HECTD4: variants seen among roughly 807,000 people sequenced by gnomAD.
The protein encoded by HECTD4 is probable E3 ubiquitin-protein ligase HECTD4.
A neutral mutation model predicts 471.5 loss-of-function variants in HECTD4; 114 were observed. The ratio of observed to expected loss-of-function variants is 0.24; its 90% CI spans 0.21 to 0.28. HECTD4 has a LOEUF of 0.28. Among genes scored for constraint, HECTD4 ranks in the 10% least tolerant of loss-of-function variants. The probability of loss-of-function intolerance (pLI) is 1.00; values close to 1 mark genes in which losing one functional copy is unlikely to be tolerated. For missense variants in HECTD4, 3,866 were observed against 5,651.5 expected, an observed-to-expected ratio of 0.68 and a Z score of 10.13; for synonymous variants, 2,012 against 2,256.0, an observed-to-expected ratio of 0.89 and a Z score of 3.07.
chr12:112,269,216 G>A (rs12301565), intron 13 of HECTD4, among the ~76,000 whole-genome samples: 1 of 152,118 alleles, frequency 6.6e-6, no homozygotes, highest in African/African-American at 2.4e-5. Context: ...GCATTGTTGA[G>A]CACTTACTTT....
chr12:112,345,618 GC>G (rs1255809450), intron 1 of HECTD4, among the ~76,000 whole-genome samples: 1 of 152,058 alleles, frequency 6.6e-6, no homozygotes, highest in Non-Finnish European at 1.5e-5. Flanking sequence ...AGTATGTATG[GC>G]TTTTGTAAGA....
At position 112,185,120 on chromosome 12, in the gene HECTD4, T is replaced by G; in HGVS notation, c.9846A>C (p.Ser3282=). 1.3e-6 allele frequency: 2 copies of G among 1,559,270 alleles called. No homozygotes were observed. Among genetic ancestry groups the G allele is most frequent in the Non-Finnish European group, 8.7e-7 (1 of 1,151,052 alleles). The change falls in exon 61 of 76, where the codon TCA becomes TCC. Residue 3282 remains serine (S), a synonymous_variant. Transcript: ENST00000682272. ...NMSVTASGVT[S]ATAPNLSDSS... ...AGTCACTGAGATTTGGGGCGGTCGC[T>G]GAGGTCACCCCACTGGCTGTGACAC...
In HECTD4 at chr12:112,176,584, C is replaced by A. The variant is rs767948074; in HGVS notation, c.11470+12G>T. 6 of 1,590,798 alleles carry A rather than the reference C, an allele frequency of 3.8e-6. No homozygotes were observed. Among genetic ancestry groups the A allele is most frequent in the Middle Eastern group, 1.7e-4 (1 of 6,010 alleles). The stretch of plus-strand genomic sequence containing the variant: ...GGTCCCAGCCCACTCCAGGCCCCGT[C>A]TGCTCATTCACCTTCTTGTTTTTTG... On this transcript the variant is annotated intron_variant, in intron 65 of 75. Coordinates refer to ENST00000682272, the MANE Select transcript of HECTD4 (RefSeq NM_001388303.1).
chr12:112,208,097 C>A lies in HECTD4; in HGVS notation c.8005-97G>T, dbSNP rs535766499. ...AGCCCTCACCCTGAGGTCTTCACCC[C>A]ACTTAAATGCCAGTAATAGAAAGAT... On this transcript the variant is annotated intron_variant, in intron 51 of 75. Coordinates refer to ENST00000682272, the MANE Select transcript of HECTD4 (RefSeq NM_001388303.1). The A allele has an allele frequency of 3.5e-3, 4,677 of 1,342,610 alleles. 10 individuals are homozygous for A. The highest frequency in any genetic ancestry group is 4.1e-3 in the Non-Finnish European group (4,020 of 989,988). The allele number at this position is 1,342,610 out of a possible 1,614,324, so 83.2% of individuals were successfully genotyped here.
At chr12:112,178,485 C>G (rs1433840789) in intron 64 of HECTD4, among the ~76,000 whole-genome samples, 1 of 152,162 alleles carries the variant, frequency 6.6e-6, no homozygotes, top group East Asian at 1.9e-4. Context: ...AAATGAAACT[C>G]TGATGTTCAC....
In HECTD4 at chr12:112,248,389, T is replaced by C; in HGVS notation, c.4074A>G (p.Glu1358=). The change falls in exon 26 of 76, where the codon GAA becomes GAG. Residue 1358 remains glutamate, a synonymous_variant. Coordinates refer to ENST00000682272, the MANE Select transcript of HECTD4 (RefSeq NM_001388303.1). The part of the protein sequence containing the change: ...NFQYQEEHAE[E]YDLLCKIMGE... ...CCATAATTTTACATAATAAATCATA[T>C]TCTTCAGCATGTTCTTCTTGATATT... The C allele has an allele frequency of 6.2e-7, 1 of 1,611,182 alleles. No homozygotes were observed. The highest frequency in any genetic ancestry group is 8.5e-7 in the Non-Finnish European group (1 of 1,178,088).
chr12:112,286,844 A>G (rs1394232643), intron 7 of HECTD4, among the ~76,000 whole-genome samples: 1 of 152,074 alleles, frequency 6.6e-6, no homozygotes, highest in Non-Finnish European at 1.5e-5. Flanking sequence ...ATCTGCCTCA[A>G]CTCAACCCTC....
chr12:112,284,172 T>TC (rs781650022), intron 7 of HECTD4, among the ~76,000 whole-genome samples: 4 of 152,174 alleles, frequency 2.6e-5, no homozygotes, highest in Non-Finnish European at 4.4e-5. Context: ...AGTCCTGTGC[T>TC]CCCCTCTGCC....
At chr12:112,195,106 T>C (rs1566068152) in intron 55 of HECTD4, 40 bp from the exon 56 acceptor site, 2 of 1,540,092 alleles carry the variant, frequency 1.3e-6, no homozygotes, top group East Asian at 2.4e-5. Flanking sequence ...AAAGCCCTGA[T>C]GCTCCGGCCC....
chr12:112,303,641 G>A (rs2035210092), intron 7 of HECTD4, among the ~76,000 whole-genome samples: 1 of 152,070 alleles, frequency 6.6e-6, no homozygotes, highest in Admixed American at 6.5e-5. Context: ...CTTGAGCTCA[G>A]GAGTTCGAAG....
intron 51 of HECTD4, 107 bp from the exon 52 acceptor site, chr12:112,208,107 C>T (rs1021485546): frequency 1.6e-6 from 2 of 1,287,998 alleles, no homozygotes; most frequent in East Asian, 5.0e-5. Flanking sequence ...CACTTAAATG[C>T]CAGTAATAGA....
chr12:112,210,345 G>T, intron 49 of HECTD4, 93 bp from the exon 50 acceptor site: 2 of 1,317,356 alleles, frequency 1.5e-6, no homozygotes, highest in Non-Finnish European at 2.2e-6. Flanking sequence ...ACGTCACCTT[G>T]GAAGAATAGC....
intron 1 of HECTD4, among the ~76,000 whole-genome samples, chr12:112,334,696 G>A (rs1483989783): frequency 5.4e-5 from 8 of 148,424 alleles, no homozygotes; most frequent in Admixed American, 2.7e-4. Flanking sequence ...TGTAATTCCA[G>A]CTACTCGAGA....
chr12:112,314,666 T>C (rs1449832401), intron 2 of HECTD4, 120 bp from the exon 3 acceptor site: 1 of 650,398 alleles, frequency 1.5e-6, no homozygotes, highest in Non-Finnish European at 2.7e-6. Context: ...CTGCTTCTGC[T>C]GGTCAGATGA....
intron 70 of HECTD4, 44 bp from the exon 71 acceptor site, chr12:112,167,961 G>A (rs372918221): frequency 2.8e-5 from 41 of 1,461,106 alleles, no homozygotes; most frequent in South Asian, 3.4e-5. Flanking sequence ...GTGTCCCGGC[G>A]GGAGGCGACA....
At chr12:112,273,903 T>A in intron 10 of HECTD4, 108 bp from the exon 11 acceptor site, 1 of 1,290,086 alleles carries the variant, frequency 7.8e-7, no homozygotes, top group Non-Finnish European at 1.1e-6. Flanking sequence ...TCTCTAATGT[T>A]GACAACCCAC....
chr12:112,239,332 G>T lies in HECTD4; in HGVS notation c.5106-96C>A. On this transcript the variant is annotated intron_variant, in intron 33 of 75. Coordinates refer to ENST00000682272, the MANE Select transcript of HECTD4 (RefSeq NM_001388303.1). This position sits in a 1 kb window ranked among gnomAD's most constrained non-coding sequence, Gnocchi z 4.9. ...TCAAAGGGGCATAAAACATGCTGGTGCAGCTCTTTCCCTACAACTTAGGAT... is the reference window on the plus strand; with the variant it reads ...TCAAAGGGGCATAAAACATGCTGGTTCAGCTCTTTCCCTACAACTTAGGAT... 1 of 1,060,150 alleles carries T rather than the reference G, an allele frequency of 9.4e-7. No homozygotes were observed. Among genetic ancestry groups the T allele is most frequent in the African/African-American group, 1.6e-5 (1 of 61,950 alleles). The allele number at this position is 1,060,150 out of a possible 1,614,324, so 65.7% of individuals were successfully genotyped here.
chr12:112,209,118 T>A (rs1566073057), intron 50 of HECTD4, among the ~76,000 whole-genome samples: 2 of 151,774 alleles, frequency 1.3e-5, no homozygotes, highest in African/African-American at 4.8e-5. Context: ...CCTAGGTTGG[T>A]CTCAAACTCC....
intron 55 of HECTD4, among the ~76,000 whole-genome samples, chr12:112,198,883 C>G (rs1406060310): frequency 6.6e-6 from 1 of 152,022 alleles, no homozygotes; most frequent in Non-Finnish European, 1.5e-5. Context: ...CTAGTGACCC[C>G]TCACAGGCAA....
Sources: allele counts gnomAD v4.1 joint callset (sites outside exome capture counted in the v4.1 genomes callset), GRCh38; gene constraint gnomAD v4.1.1; non-coding constraint Gnocchi (gnomAD v3.1); transcripts MANE v1.5; gene names NCBI Gene and HGNC (gene_info 2026-07-23, HGNC 2026-07-21).